The following COL28A1 variants were observed in gnomAD, a reference collection of about 807,000 sequenced individuals.
The protein encoded by COL28A1 is collagen type XXVIII alpha 1 chain, also known as collagen alpha-1(XXVIII) chain.
Under a neutral mutation model 150.2 loss-of-function variants are expected in COL28A1, and 161 were observed. That is an observed-to-expected ratio of 1.07 (90% CI 0.94 to 1.22). The LOEUF (loss-of-function observed/expected upper bound fraction) is 1.22. Ranked by LOEUF, COL28A1 falls within the 50% of genes most tolerant of loss-of-function variation. The pLI, the probability that COL28A1 is intolerant of heterozygous loss-of-function variation, is 0.00. For synonymous variants in COL28A1, 552 were observed against 469.7 expected, an observed-to-expected ratio of 1.18 and a Z score of -2.26; for missense variants, 1,617 against 1,388.3, an observed-to-expected ratio of 1.16 and a Z score of -2.62.
chr7:7,524,810 G>C (rs980632443), intron 3 of COL28A1, among the ~76,000 whole-genome samples: 1 of 152,132 alleles, frequency 6.6e-6, no homozygotes, highest in African/African-American at 2.4e-5. Context: ...TCTGAATTAT[G>C]AGAAGACAAA....
intron 27 of COL28A1, among the ~76,000 whole-genome samples, chr7:7,392,431 T>G (rs1335095636): frequency 6.6e-6 from 1 of 152,178 alleles, no homozygotes. Context: ...TCAACCTTGG[T>G]GAATCTGACT....
Position 7,467,848 on chromosome 7 carries a change from G to A in COL28A1, c.1302+6753C>T, listed in dbSNP as rs958622490. ...ACATGGAAACTGAACAACCTGCTCC[G>A]GAATGACTACTGGGTACATAACGAA... On this transcript the variant is annotated intron_variant, in intron 15 of 34. Coordinates refer to ENST00000399429, the MANE Select transcript of COL28A1 (RefSeq NM_001037763.3). Among the ~76,000 whole-genome samples, 37 of 143,472 alleles carry A rather than the reference G, an allele frequency of 2.6e-4. No homozygotes were observed. In the South Asian group the frequency reaches 7.4e-3, roughly 29 times the overall value. 94.1% of individuals were successfully genotyped at this position (143,472 alleles called of 152,430 possible). A position where few individuals can be genotyped will look rare whatever the true frequency, so the allele number is the denominator to read the frequency against.
chr7:7,446,599 A>C (rs1181715451), intron 18 of COL28A1, among the ~76,000 whole-genome samples: 1 of 152,240 alleles, frequency 6.6e-6, no homozygotes, highest in Non-Finnish European at 1.5e-5. Flanking sequence ...ACGTCTACCT[A>C]ATTTATTTTA....
chr7:7,408,801 C>A (rs1036073614), intron 27 of COL28A1, among the ~76,000 whole-genome samples: 10 of 152,098 alleles, frequency 6.6e-5, no homozygotes, highest in African/African-American at 2.4e-4. Flanking sequence ...GAAAAAAAGA[C>A]CTCACTTTAT....
rs1781186242 is a variant in COL28A1 at position 7,370,777 on chromosome 7, CCT to C, written c.3012_3013del (p.Glu1006ArgfsTer4). 4.3e-6 allele frequency: 7 copies of C among 1,613,458 alleles called. No homozygotes were observed. Among genetic ancestry groups the C allele is most frequent in the Non-Finnish European group, 5.9e-6 (7 of 1,179,710 alleles). On this transcript the variant is annotated frameshift_variant, in exon 33 of 35. Transcript: ENST00000399429. LOFTEE classifies it high-confidence loss of function. The stretch of plus-strand genomic sequence containing the variant: ...TGGAGTAGATTCACTGAGTTCTTCC[CCT>C]GACATCCCAAATCCAGGTTGAGGTG...
intron 26 of COL28A1, among the ~76,000 whole-genome samples, chr7:7,419,454 T>C (rs1784278320): frequency 6.6e-6 from 1 of 152,090 alleles, no homozygotes; most frequent in Non-Finnish European, 1.5e-5. Flanking sequence ...AAGAAGTTGC[T>C]CTCATCTTCT....
intron 16 of COL28A1, among the ~76,000 whole-genome samples, chr7:7,455,418 TC>T (rs778855988): frequency 3.4e-4 from 52 of 152,340 alleles, no homozygotes; most frequent in Non-Finnish European, 7.1e-4. Flanking sequence ...CCAAAAGTTA[TC>T]AGAAGATTTT....
intron 27 of COL28A1, among the ~76,000 whole-genome samples, chr7:7,413,522 T>C (rs558028456): frequency 6.6e-6 from 1 of 152,296 alleles, no homozygotes; most frequent in South Asian, 2.1e-4. Context: ...CAATAAAACC[T>C]GAGCAGAGGG....
chr7:7,366,279 GT>G (rs1562471887), intron 33 of COL28A1, among the ~76,000 whole-genome samples: 1 of 151,990 alleles, frequency 6.6e-6, no homozygotes, highest in Non-Finnish European at 1.5e-5. Flanking sequence ...TTTTAAAATA[GT>G]TTTGAAAAAA....
At chr7:7,491,252 T>G (rs1244458721) in intron 11 of COL28A1, among the ~76,000 whole-genome samples, 1 of 152,204 alleles carries the variant, frequency 6.6e-6, no homozygotes, top group Non-Finnish European at 1.5e-5. Flanking sequence ...TTTCCCTTTG[T>G]CACTGATTCA....
intron 18 of COL28A1, among the ~76,000 whole-genome samples, chr7:7,447,172 A>G (rs1294365277): frequency 6.6e-6 from 1 of 152,214 alleles, no homozygotes. Context: ...TAAAAGCAAG[A>G]CCCAAATGGG....
At chr7:7,407,197 G>T (rs1325225782) in intron 27 of COL28A1, among the ~76,000 whole-genome samples, 1 of 151,914 alleles carries the variant, frequency 6.6e-6, no homozygotes, top group East Asian at 1.9e-4. Flanking sequence ...AGAGAGGAAA[G>T]AACTAAAACG....
chr7:7,508,231 CA>C (rs879724648), intron 9 of COL28A1, among the ~76,000 whole-genome samples: 1,964 of 106,648 alleles, frequency 0.018, 13 homozygotes, highest in Non-Finnish European at 0.026. Context: ...GACTCTGTCT[CA>C]AAAAAAAAAA....
chr7:7,435,992 TAACTC>T (rs1300792183), intron 23 of COL28A1, among the ~76,000 whole-genome samples: 1 of 152,170 alleles, frequency 6.6e-6, no homozygotes, highest in Admixed American at 6.5e-5. Flanking sequence ...CCCTTTGAAA[TAACTC>T]AAAAGGATAA....
chr7:7,400,975 GGTGTGTGTGTGT>G lies in COL28A1; in HGVS notation c.2136+16872_2136+16883del, dbSNP rs60064708. On this transcript the variant is annotated intron_variant, in intron 27 of 34. Coordinates refer to ENST00000399429, the MANE Select transcript of COL28A1 (RefSeq NM_001037763.3). ...GTCCCATAGGACGTGTGGGTATTTG[GGTGTGTGTGTGT>G]GTGTGTGTGTGTGTGTGTGTGTGTG... is the stretch of plus-strand genomic sequence containing the variant. 1.7e-3 allele frequency among the ~76,000 whole-genome samples: 205 copies of G among 119,122 alleles called. 1 individual carries two copies. Among genetic ancestry groups the G allele is most frequent in the South Asian group, 4.1e-3 (13 of 3,194 alleles). The allele number at this position is 119,122 out of a possible 152,430, so 78.1% of individuals were successfully genotyped here.
At chr7:7,426,956 G>C (rs1784672991) in intron 25 of COL28A1, among the ~76,000 whole-genome samples, 1 of 152,308 alleles carries the variant, frequency 6.6e-6, no homozygotes, top group Middle Eastern at 3.4e-3. Context: ...TCCACTGGGA[G>C]AAAGTTCCTC....
chr7:7,539,681 A>C (rs1562984827), upstream of COL28A1, among the ~76,000 whole-genome samples: 1 of 152,196 alleles, frequency 6.6e-6, no homozygotes, highest in Non-Finnish European at 1.5e-5. Context: ...TAAATGTGGA[A>C]CAGCGTGACT....
rs565549646 is a variant in COL28A1, at chr7:7,412,332, A to G, written c.2136+5527T>C. Among the ~76,000 whole-genome samples, 10 of 152,232 alleles carry G rather than the reference A, an allele frequency of 6.6e-5. 1 individual carries two copies. In the South Asian group the frequency reaches 1.9e-3, roughly 28 times the overall value. ...AGAAAATCACCCACCAACCAGGAAC[A>G]CACACATTGGACGGTTATGTGAGCA... On this transcript the variant is annotated intron_variant, in intron 27 of 34. Coordinates refer to ENST00000399429, the MANE Select transcript of COL28A1 (RefSeq NM_001037763.3).
At chr7:7,416,267 A>C (rs537681218) in intron 27 of COL28A1, among the ~76,000 whole-genome samples, 1 of 152,294 alleles carries the variant, frequency 6.6e-6, no homozygotes, top group Non-Finnish European at 1.5e-5. Context: ...ACCTGGTTTC[A>C]CCCAGGATGG....
Sources: allele counts gnomAD v4.1 joint callset (sites outside exome capture counted in the v4.1 genomes callset), GRCh38; gene constraint gnomAD v4.1.1; transcripts MANE v1.5; gene names NCBI Gene and HGNC (gene_info 2026-07-23, HGNC 2026-07-21).